The following PHLPP1 variants were observed in gnomAD, a reference collection of about 807,000 sequenced individuals.
PHLPP1 encodes PH domain leucine-rich repeat-containing protein phosphatase 1.
In PHLPP1, 42 loss-of-function variants were observed where a neutral mutation model predicts 117.2. The observed-to-expected ratio is 0.36, with a 90% CI of 0.28 to 0.46. PHLPP1 has a LOEUF of 0.46. PHLPP1 is among the 20% of genes least tolerant of loss of function. The pLI is 1.00. For missense variants in PHLPP1, 2,084 were observed against 2,241.9 expected, an observed-to-expected ratio of 0.93 and a Z score of 1.42; for synonymous variants, 1,042 against 970.7, an observed-to-expected ratio of 1.07 and a Z score of -1.37.
intron 1 of PHLPP1, among the ~76,000 whole-genome samples, chr18:62,728,770 G>A (rs952612722): frequency 1.3e-5 from 2 of 152,088 alleles, no homozygotes; most frequent in Non-Finnish European, 2.9e-5. Context: ...GCCTCCCAAA[G>A]TGCTGGGATT....
chr18:62,717,017 C>T lies in PHLPP1; in HGVS notation c.1334C>T (p.Pro445Leu), dbSNP rs1910771391. ...GAGAAGGCAGCGGCAGCCGTGGCCC[C>T]GGGAGGCCTCCAGTCTACCCCCGGG... ...CEEKAAAAVA[P>L]GGLQSTPGRS... is the part of the protein sequence containing the mutation. Residue 445 changes from proline (P) to leucine (L), a missense_variant, in exon 1 of 17, where the codon CCG (proline) becomes CTG (leucine). Around this residue, in one of 2 missense-constraint regions of PHLPP1, gnomAD observed 719 missense variants for 636.0 expected, o/e 1.13. Transcript: ENST00000262719. The T allele has an allele frequency of 6.5e-7, 1 of 1,544,718 alleles. No individual in the cohort carries two copies. The highest frequency in any genetic ancestry group is 8.7e-7 in the Non-Finnish European group (1 of 1,145,920).
chr18:62,790,877 A>G (rs1295644205), intron 1 of PHLPP1, among the ~76,000 whole-genome samples: 30 of 152,182 alleles, frequency 2.0e-4, no homozygotes, highest in Non-Finnish European at 1.5e-5. Flanking sequence ...CTGGATATAC[A>G]TGGCAAAGAG....
chr18:62,864,723 T>A (rs982215051), intron 4 of PHLPP1, among the ~76,000 whole-genome samples: 7 of 152,366 alleles, frequency 4.6e-5, no homozygotes, highest in Middle Eastern at 3.4e-3. Flanking sequence ...ATGGGGTCCC[T>A]GGCTGATTCC....
chr18:62,796,351 A>G (rs114287549), intron 1 of PHLPP1, among the ~76,000 whole-genome samples: 55 of 152,350 alleles, frequency 3.6e-4, no homozygotes, highest in African/African-American at 1.3e-3. Flanking sequence ...CAGTAGAGAG[A>G]GTAAGAGGCA....
At chr18:62,776,805 T>C (rs1334073014) in intron 1 of PHLPP1, among the ~76,000 whole-genome samples, 1 of 152,178 alleles carries the variant, frequency 6.6e-6, no homozygotes, top group Non-Finnish European at 1.5e-5. Flanking sequence ...AGACGGGGTT[T>C]CACCATGTTG....
At chr18:62,765,895 G>T (rs1265243999) in intron 1 of PHLPP1, among the ~76,000 whole-genome samples, 2 of 150,002 alleles carry the variant, frequency 1.3e-5, no homozygotes, top group East Asian at 4.0e-4. Context: ...CTACTCGGGA[G>T]GCTGAGGCAG....
intron 3 of PHLPP1, among the ~76,000 whole-genome samples, chr18:62,841,013 C>T (rs1199130138): frequency 6.6e-6 from 1 of 152,150 alleles, no homozygotes; most frequent in African/African-American, 2.4e-5. Context: ...CCTCAGTCTC[C>T]TGAGTAGCTG....
At chr18:62,796,227 A>G (rs1013993905) in intron 1 of PHLPP1, among the ~76,000 whole-genome samples, 1 of 152,382 alleles carries the variant, frequency 6.6e-6, no homozygotes, top group African/African-American at 2.4e-5. Flanking sequence ...TAATAATAAT[A>G]GTAAATATGA....
intron 9 of PHLPP1, among the ~76,000 whole-genome samples, chr18:62,916,153 C>G (rs1297151192): frequency 1.3e-5 from 2 of 151,964 alleles, no homozygotes; most frequent in Non-Finnish European, 2.9e-5. Flanking sequence ...TAGCCCCCAG[C>G]CAGCCATTAG....
chr18:62,917,795 C>G (rs1040010879), intron 9 of PHLPP1, among the ~76,000 whole-genome samples: 2 of 150,716 alleles, frequency 1.3e-5, no homozygotes, highest in African/African-American at 4.9e-5. Context: ...GCCTGGGCAA[C>G]GGAGCTGAGA....
intron 3 of PHLPP1, among the ~76,000 whole-genome samples, chr18:62,855,932 A>C (rs566857497): frequency 6.6e-6 from 1 of 152,312 alleles, no homozygotes; most frequent in East Asian, 1.9e-4. Flanking sequence ...GGGTCCTCCC[A>C]AGTACTCAAC....
At chr18:62,913,807 G>GT (rs1181219636) in intron 8 of PHLPP1, among the ~76,000 whole-genome samples, 1 of 136,470 alleles carries the variant, frequency 7.3e-6, no homozygotes, top group Non-Finnish European at 1.5e-5. Context: ...GCAATGGTGT[G>GT]ATCTTGGCTC....
At chr18:62,817,131 T>C (rs1170884301) in intron 1 of PHLPP1, among the ~76,000 whole-genome samples, 1 of 152,114 alleles carries the variant, frequency 6.6e-6, no homozygotes, top group Non-Finnish European at 1.5e-5. Context: ...TTTGTAGAGA[T>C]GGACGTCTCA....
chr18:62,848,514 G>A (rs1372314391), intron 3 of PHLPP1, among the ~76,000 whole-genome samples: 1 of 125,746 alleles, frequency 8.0e-6, no homozygotes, highest in Admixed American at 1.1e-4. Flanking sequence ...TCAAGCTGCT[G>A]TGCAGTGGCA....
At chr18:62,880,092 T>C (rs1168692694) in intron 4 of PHLPP1, among the ~76,000 whole-genome samples, 1 of 152,210 alleles carries the variant, frequency 6.6e-6, no homozygotes, top group East Asian at 1.9e-4. Flanking sequence ...TAAATCACAT[T>C]TGTATACTTC....
chr18:62,916,987 CAG>C (rs754732457), intron 9 of PHLPP1, among the ~76,000 whole-genome samples: 84 of 150,466 alleles, frequency 5.6e-4, no homozygotes, highest in Non-Finnish European at 1.1e-3. Flanking sequence ...CTCCTGACCT[CAG>C]GTGATCCGCC....
intron 1 of PHLPP1, among the ~76,000 whole-genome samples, chr18:62,764,022 G>C (rs536235079): frequency 5.9e-5 from 9 of 151,856 alleles, no homozygotes; most frequent in African/African-American, 2.2e-4. Flanking sequence ...AATTAGCCGG[G>C]CGTGGTGGTG....
intron 1 of PHLPP1, among the ~76,000 whole-genome samples, chr18:62,800,148 G>A (rs1318515696): frequency 1.3e-5 from 2 of 152,092 alleles, no homozygotes; most frequent in Admixed American, 6.5e-5. Flanking sequence ...GAGGGTGTCC[G>A]GAGAATAGAT....
chr18:62,772,990 A>G (rs560331642), intron 1 of PHLPP1, among the ~76,000 whole-genome samples: 36 of 152,164 alleles, frequency 2.4e-4, no homozygotes, highest in African/African-American at 7.9e-4. Context: ...ATTGAGTACA[A>G]TGGACCTTTA....
Sources: gnomAD v4.1 joint callset for allele counts (sites outside exome capture counted in the v4.1 genomes callset) on GRCh38, gnomAD v4.1.1 for gene constraint, gnomAD v4.1.1 regional missense constraint, MANE v1.5 for transcripts, NCBI Gene and HGNC (gene_info 2026-07-23, HGNC 2026-07-21) for gene names.